The following TNC variants were observed in gnomAD, a reference collection of about 807,000 sequenced individuals.
TNC encodes the protein tenascin.
In TNC, 109 loss-of-function variants were observed where a neutral mutation model predicts 202.4. The observed-to-expected ratio is 0.54, with a 90% CI of 0.46 to 0.63. The LOEUF (loss-of-function observed/expected upper bound fraction) is 0.63, where lower values mean the gene tolerates loss of function less well. TNC is among the 30% of genes least tolerant of loss of function. The pLI, the probability that TNC is intolerant of heterozygous loss-of-function variation, is 0.00. For synonymous variants in TNC, 1,007 were observed against 1,089.7 expected, an observed-to-expected ratio of 0.92 and a Z score of 1.50; for missense variants, 2,756 against 2,833.3, an observed-to-expected ratio of 0.97 and a Z score of 0.62.
intron 1 of TNC, among the ~76,000 whole-genome samples, chr9:115,091,858 C>T (rs1835263283): frequency 6.6e-6 from 1 of 152,182 alleles, no homozygotes; most frequent in Admixed American, 6.5e-5. Flanking sequence ...TTTCCAAAAC[C>T]TTCAAAAGTC....
At chr9:115,071,746 AAGAG>A (rs1234541070) in intron 10 of TNC, among the ~76,000 whole-genome samples, 1 of 152,116 alleles carries the variant, frequency 6.6e-6, no homozygotes, top group Non-Finnish European at 1.5e-5. Flanking sequence ...AGAGGGAAGA[AAGAG>A]AGAGAAAGAG....
chr9:115,037,229 C>T (rs915497862), intron 20 of TNC, among the ~76,000 whole-genome samples: 17 of 152,184 alleles, frequency 1.1e-4, no homozygotes, highest in Admixed American at 6.5e-5. Flanking sequence ...CAGGCACAGA[C>T]GCTGGTGCCT....
At chr9:115,094,909 G>T (rs1835520178) in intron 1 of TNC, among the ~76,000 whole-genome samples, 1 of 150,812 alleles carries the variant, frequency 6.6e-6, no homozygotes, top group South Asian at 2.1e-4. Flanking sequence ...AGGGAGGGTT[G>T]GTTATGAGAA....
In TNC at chr9:115,031,574, T is replaced by C; in HGVS notation, c.5899A>G (p.Ile1967Val). 6.2e-7 allele frequency: 1 copy of C among 1,601,832 alleles called. No individual in the cohort carries two copies. The highest frequency in any genetic ancestry group is 8.5e-7 in the Non-Finnish European group (1 of 1,174,550). Residue 1967 changes from isoleucine to valine, a missense_variant, in exon 23 of 28, where the codon ATC becomes GTC. Ile to Val is a conservative substitution (Grantham distance 29, BLOSUM62 3). This residue lies in a region of TNC where 2,559 missense variants were observed against 2,546.0 expected (regional missense o/e 1.01). Coordinates refer to ENST00000350763, the MANE Select transcript of TNC (RefSeq NM_002160.4). ...ALNGPLRSNM[I>V]QTIFTTIGLL... ...TTACTTGTGGTGAAGATGGTCTGGA[T>C]CATATTGCTCCTCAGGGGCCCATTG...
chr9:115,064,649 G>T lies in TNC; in HGVS notation c.3485C>A (p.Thr1162Lys). Reference protein sequence around the residue: ...RTPVLSAEASTGETPNLGEVV... With the variant: ...RTPVLSAEASKGETPNLGEVV... ...ATAAATAGAAAGGAAAGAGATACCT[G>T]TGGAGGCCTCAGCAGAGAGCACTGG... Residue 1162 changes from threonine (T) to lysine (K), a missense_variant and splice_region_variant, in exon 11 of 28, where the codon ACA (threonine) becomes AAA (lysine). Around this residue, in one of 2 missense-constraint regions of TNC, gnomAD observed 2,559 missense variants for 2,546.0 expected, o/e 1.01. Transcript: ENST00000350763. 3 of 1,601,134 alleles carry T rather than the reference G, an allele frequency of 1.9e-6. No homozygotes were observed. Among genetic ancestry groups the T allele is most frequent in the Non-Finnish European group, 2.6e-6 (3 of 1,170,286 alleles).
Position 115,109,411 on chromosome 9 carries a change from G to A in TNC, c.-137+8571C>T, listed in dbSNP as rs954984840. ...TAAGTAACTTGGCCAAGATCACATA[G>A]CAAGCAAATACCTCTCAAACCCAGA... On this transcript the variant is annotated intron_variant, in intron 1 of 27. Coordinates refer to ENST00000350763, the MANE Select transcript of TNC (RefSeq NM_002160.4). Among the ~76,000 whole-genome samples the A allele has an allele frequency of 5.3e-5, 8 of 152,274 alleles. 1 individual carries two copies. The South Asian group carries it at 1.2e-3, about 24-fold the overall frequency.
chr9:115,097,562 C>T (rs1187612677), intron 1 of TNC, among the ~76,000 whole-genome samples: 3 of 152,092 alleles, frequency 2.0e-5, no homozygotes, highest in Non-Finnish European at 4.4e-5. Context: ...TTGAGATGTA[C>T]TTGAAAGATG....
chr9:115,077,835 C>T (rs748629093), intron 7 of TNC, 108 bp downstream of exon 7: 1 of 1,200,238 alleles, frequency 8.3e-7, no homozygotes. Flanking sequence ...ATACCCCTTT[C>T]ATTTTTCGTA....
chr9:115,061,742 C>G (rs759760281), intron 13 of TNC, among the ~76,000 whole-genome samples: 2 of 152,184 alleles, frequency 1.3e-5, no homozygotes, highest in African/African-American at 2.4e-5. Context: ...AACCCTATCA[C>G]CAAAAAGTTG....
At chr9:115,057,075 G>C in intron 15 of TNC, 78 bp downstream of exon 15, 1 of 1,501,340 alleles carries the variant, frequency 6.7e-7, no homozygotes, top group Non-Finnish European at 8.9e-7. Context: ...ACATCAATGG[G>C]AGAGGAGAAG....
At position 115,073,818 on chromosome 9, in the gene TNC, C is replaced by T; in HGVS notation, c.2999G>A (p.Ser1000Asn). 8 of 1,613,694 alleles carry T rather than the reference C, an allele frequency of 5.0e-6. No individual in the cohort carries two copies. The highest frequency in any genetic ancestry group is 6.8e-6 in the Non-Finnish European group (8 of 1,180,012). ...CGGTGTCTTCCAGAGCAGGGTCAGG[C>T]TGGTCTCTGCAGTTTCAGAAACCTG... ...DLQVSETAET[S>N]LTLLWKTPLA... The change falls in exon 10 of 28, where the codon AGC (serine) becomes AAC (asparagine). Residue 1000 changes from serine (S) to asparagine (N), a missense_variant. Physicochemically the swap from Ser to Asn is conservative, Grantham distance 46 (BLOSUM62 1). Transcript: ENST00000350763.
chr9:115,060,216 T>C, intron 13 of TNC, among the ~76,000 whole-genome samples: 1 of 152,088 alleles, frequency 6.6e-6, no homozygotes, highest in East Asian at 1.9e-4. Flanking sequence ...ATCTACATGG[T>C]TTATCCTTGA....
chr9:115,053,552 T>C (rs1831871165), intron 15 of TNC, among the ~76,000 whole-genome samples: 2 of 152,262 alleles, frequency 1.3e-5, no homozygotes, highest in South Asian at 4.1e-4. Flanking sequence ...CCAAATTTCA[T>C]AAACTTATTG....
chr9:115,058,686 A>G (rs1054482615), intron 14 of TNC, among the ~76,000 whole-genome samples: 4 of 152,238 alleles, frequency 2.6e-5, no homozygotes, highest in African/African-American at 9.6e-5. Flanking sequence ...CTCTTGCTAG[A>G]TTCAACTGGG....
chr9:115,041,566 G>T (rs549191995), intron 18 of TNC, among the ~76,000 whole-genome samples: 1 of 152,336 alleles, frequency 6.6e-6, no homozygotes, highest in South Asian at 2.1e-4. Flanking sequence ...AATAAACACA[G>T]AAATTGTATT....
chr9:115,029,898 A>C (rs879706761), intron 24 of TNC, among the ~76,000 whole-genome samples: 3 of 152,224 alleles, frequency 2.0e-5, no homozygotes, highest in Admixed American at 1.3e-4. Flanking sequence ...ATTCATCTTA[A>C]ACTCTTAGCA....
chr9:115,098,938 A>ATTTT (rs35624621), intron 1 of TNC, among the ~76,000 whole-genome samples: 16,648 of 126,992 alleles, frequency 0.13, 1,288 homozygotes, highest in African/African-American at 0.17. Context: ...TTAAGTGTGT[A>ATTTT]TTTTTTTTTT....
chr9:115,047,636 C>T (rs1205334932), intron 16 of TNC, among the ~76,000 whole-genome samples: 2 of 152,108 alleles, frequency 1.3e-5, no homozygotes, highest in Non-Finnish European at 1.5e-5. Flanking sequence ...CCGAGTAGGA[C>T]CTTTGAACAT....
At chr9:115,095,500 ATG>A (rs1359791780) in intron 1 of TNC, among the ~76,000 whole-genome samples, 2 of 30,258 alleles carry the variant, frequency 6.6e-5, no homozygotes, top group African/African-American at 2.1e-4. Flanking sequence ...ATGTATATAT[ATG>A]TATATATATA....
Sources: gnomAD v4.1 joint callset for allele counts (sites outside exome capture counted in the v4.1 genomes callset) on GRCh38, gnomAD v4.1.1 for gene constraint, gnomAD v4.1.1 regional missense constraint, MANE v1.5 for transcripts, NCBI Gene and HGNC (gene_info 2026-07-23, HGNC 2026-07-21) for gene names.